Variants in RBFOX1 observed in about 807,000 individuals in gnomAD.
The protein encoded by RBFOX1 is RNA binding protein fox-1 homolog 1.
RBFOX1 carries 8 observed loss-of-function variants against 57.7 expected under a neutral mutation model. The observed-to-expected ratio is 0.14, with a 90% CI of 0.08 to 0.25. RBFOX1 has a LOEUF of 0.25. Ranked by LOEUF, RBFOX1 falls within the 10% of genes least tolerant of loss-of-function variation. The pLI is 1.00. For missense variants in RBFOX1, 611 were observed against 548.5 expected, an observed-to-expected ratio of 1.11 and a Z score of -1.14; for synonymous variants, 326 against 222.4, an observed-to-expected ratio of 1.47 and a Z score of -4.15.
intron 3 of RBFOX1, among the ~76,000 whole-genome samples, chr16:6,952,761 A>T (rs2081027148): frequency 6.6e-6 from 1 of 152,162 alleles, no homozygotes; most frequent in African/African-American, 2.4e-5. Flanking sequence ...GCGGATCACG[A>T]GGTCAGGAGT....
chr16:6,159,258 G>A (rs2096860174), intron 1 of RBFOX1, among the ~76,000 whole-genome samples: 1 of 152,040 alleles, frequency 6.6e-6, no homozygotes, highest in Non-Finnish European at 1.5e-5. Flanking sequence ...TGTATTTTTA[G>A]TAGACACGGG....
At chr16:5,892,960 C>T (rs1435562670) in intron 4 of RBFOX1, among the ~76,000 whole-genome samples, 1 of 152,094 alleles carries the variant, frequency 6.6e-6, no homozygotes, top group Non-Finnish European at 1.5e-5. Flanking sequence ...CAATGTTCAA[C>T]GAAGTCTTCC....
intron 9 of RBFOX1, among the ~76,000 whole-genome samples, 184 bp downstream of exon 9, chr16:7,597,615 G>C (rs1305176607): frequency 1.3e-5 from 2 of 152,216 alleles, no homozygotes; most frequent in Non-Finnish European, 2.9e-5. Context: ...GGCAAATGGA[G>C]TGTTCAGGTT....
chr16:6,934,230 C>T (rs964492238), intron 3 of RBFOX1, among the ~76,000 whole-genome samples: 9 of 152,180 alleles, frequency 5.9e-5, no homozygotes, highest in East Asian at 3.9e-4. Flanking sequence ...AACTACAGAG[C>T]GGTAACTTGA....
At chr16:7,376,994 T>C (rs1335710811) in intron 4 of RBFOX1, among the ~76,000 whole-genome samples, 1 of 152,192 alleles carries the variant, frequency 6.6e-6, no homozygotes, top group Non-Finnish European at 1.5e-5. Flanking sequence ...AGGTGGTTGC[T>C]TGGAAAAGCA....
intron 3 of RBFOX1, among the ~76,000 whole-genome samples, chr16:5,804,597 C>G (rs950220759): frequency 2.0e-5 from 3 of 152,124 alleles, no homozygotes. Context: ...TGAAGGGGAC[C>G]TGCCCTCTGT....
intron 3 of RBFOX1, among the ~76,000 whole-genome samples, chr16:6,780,285 A>T (rs1273949206): frequency 1.9e-5 from 1 of 52,660 alleles, no homozygotes; most frequent in Non-Finnish European, 2.8e-5. Context: ...ATATATTTAT[A>T]CATATATATA....
intron 3 of RBFOX1, among the ~76,000 whole-genome samples, chr16:6,824,420 C>T (rs1021390726): frequency 1.3e-5 from 2 of 152,136 alleles, no homozygotes; most frequent in East Asian, 1.9e-4. Context: ...AGACTGTAAA[C>T]AGTTATCTTA....
chr16:7,675,255 G>C (rs2072925601), intron 13 of RBFOX1, among the ~76,000 whole-genome samples: 1 of 152,140 alleles, frequency 6.6e-6, no homozygotes, highest in African/African-American at 2.4e-5. Context: ...GTTGAACTCA[G>C]TGCTGTTATA....
At chr16:6,831,072 C>T (rs1208903141) in intron 3 of RBFOX1, among the ~76,000 whole-genome samples, 1 of 152,190 alleles carries the variant, frequency 6.6e-6, no homozygotes, top group Non-Finnish European at 1.5e-5. Flanking sequence ...GTACCTCAAC[C>T]TCCATCTAAA....
chr16:6,271,648 G>C (rs2075232786), intron 1 of RBFOX1, among the ~76,000 whole-genome samples: 1 of 152,138 alleles, frequency 6.6e-6, no homozygotes, highest in Non-Finnish European at 1.5e-5. Context: ...TGTCAAAAAG[G>C]TAGTAAGGGA....
At chr16:6,680,463 C>G (rs1393413143) in intron 3 of RBFOX1, among the ~76,000 whole-genome samples, 1 of 151,932 alleles carries the variant, frequency 6.6e-6, no homozygotes, top group African/African-American at 2.4e-5. Context: ...CGAGGTTTCA[C>G]CATGTTAGCC....
intron 4 of RBFOX1, among the ~76,000 whole-genome samples, chr16:7,242,604 C>A (rs754333969): frequency 6.6e-6 from 1 of 152,202 alleles, no homozygotes; most frequent in Non-Finnish European, 1.5e-5. Flanking sequence ...GTAAGCTGAA[C>A]AAACTTTCCA....
chr16:5,312,721 C>A (rs183503433), intron 1 of RBFOX1, among the ~76,000 whole-genome samples: 1 of 152,152 alleles, frequency 6.6e-6, no homozygotes, highest in South Asian at 2.1e-4. Flanking sequence ...AAATGACCAA[C>A]AAACATAGGA....
chr16:6,905,038 G>C lies in RBFOX1; in HGVS notation c.-15-147019G>C, dbSNP rs115950093. ...TAAAAGAGTTAGAGGAATTTTTCAA[G>C]TTGTACAAAATTGAATTACTTAATA... On this transcript the variant is annotated intron_variant, in intron 3 of 15. Transcript: ENST00000550418. Among the ~76,000 whole-genome samples the C allele has an allele frequency of 5.8e-3, 879 of 152,248 alleles. 13 individuals are homozygous for C. The highest frequency in any genetic ancestry group is 0.02 in the African/African-American group (845 of 41,552).
At chr16:5,436,265 A>G (rs2067915378) in intron 1 of RBFOX1, among the ~76,000 whole-genome samples, 1 of 152,208 alleles carries the variant, frequency 6.6e-6, no homozygotes, top group Admixed American at 6.5e-5. Context: ...CAACAGTGAC[A>G]ACGACAAATA....
At chr16:7,469,844 C>G (rs1454234101) in intron 4 of RBFOX1, among the ~76,000 whole-genome samples, 2 of 152,142 alleles carry the variant, frequency 1.3e-5, no homozygotes, top group Admixed American at 1.3e-4. Flanking sequence ...TTTCATCCGT[C>G]CTGCTCGCAG....
intron 3 of RBFOX1, among the ~76,000 whole-genome samples, chr16:6,725,241 C>T (rs1443027189): frequency 6.6e-6 from 1 of 151,820 alleles, no homozygotes; most frequent in Non-Finnish European, 1.5e-5. Context: ...TTAGTAGGGA[C>T]AGGGTTTCAC....
At chr16:7,526,270 G>A (rs1165785715) in intron 5 of RBFOX1, among the ~76,000 whole-genome samples, 2 of 152,144 alleles carry the variant, frequency 1.3e-5, no homozygotes, top group Non-Finnish European at 2.9e-5. Flanking sequence ...AAATTTTGGG[G>A]ACTGCTGCCC....
Sources: allele counts gnomAD v4.1 joint callset (sites outside exome capture counted in the v4.1 genomes callset), GRCh38; gene constraint gnomAD v4.1.1; transcripts MANE v1.5; gene names NCBI Gene and HGNC (gene_info 2026-07-23, HGNC 2026-07-21).